Variants in FLII observed in about 807,000 individuals in gnomAD.
FLII encodes the protein protein flightless-1 homolog.
Under a neutral mutation model 156.2 loss-of-function variants are expected in FLII, and 101 were observed. That is an observed-to-expected ratio of 0.65 (90% confidence interval 0.55 to 0.76). The LOEUF (loss-of-function observed/expected upper bound fraction) is 0.76. Among genes scored for constraint, FLII ranks in the 30% least tolerant of loss-of-function variants. The pLI is 0.00. For missense variants in FLII, 1,675 were observed against 1,682.8 expected (o/e 1.00, Z 0.08); for synonymous variants, 767 against 685.8 (o/e 1.12, Z -1.85).
chr17:18,256,099 C>G (rs960791076), intron 3 of FLII, among the ~76,000 whole-genome samples: 1 of 152,220 alleles, frequency 6.6e-6, no homozygotes, highest in Non-Finnish European at 1.5e-5. Context: ...CCAAACCCCA[C>G]TCAACACCAG....
rs979512229 is a variant in FLII, at chr17:18,247,091, C to A, written c.2677-39G>T. The A allele has an allele frequency of 5.6e-6, 9 of 1,596,610 alleles. 1 individual carries two copies. Among genetic ancestry groups the A allele is most frequent in the South Asian group, 2.2e-5 (2 of 90,392 alleles). On this transcript the variant is annotated intron_variant, in intron 21 of 29. Coordinates refer to ENST00000327031, the MANE Select transcript of FLII (RefSeq NM_002018.4). ...GGACCCGCCCCGCGGCAGGTCTGAG[C>A]GCGCTCTGCGCATAGGCCCCGCCCT...
intron 3 of FLII, 29 bp from the exon 4 acceptor site, chr17:18,255,292 T>A (rs763326086): frequency 6.3e-7 from 1 of 1,580,018 alleles, no homozygotes; most frequent in Non-Finnish European, 8.7e-7. Context: ...AGTCTATAAT[T>A]CCTGGCTTCC....
intron 10 of FLII, 98 bp from the exon 11 acceptor site, chr17:18,252,244 G>T: frequency 1.7e-6 from 2 of 1,200,156 alleles, no homozygotes; most frequent in Non-Finnish European, 2.4e-6. Context: ...CGCCAGGGCT[G>T]AGAGGTCAGG....
In FLII at chr17:18,244,890, G is replaced by A. The variant is rs1442396929; in HGVS notation, c.*248C>T. ...TATCTCTTAAAGGGCATCCACATCT[G>A]CTTTATCCCTAGCGGAAGAGTGAGG... On this transcript the variant is annotated 3_prime_UTR_variant, in exon 30 of 30. Transcript: ENST00000327031. 3 of 508,938 alleles carry A rather than the reference G, an allele frequency of 5.9e-6. No individual in the cohort carries two copies. Among genetic ancestry groups the A allele is most frequent in the Admixed American group, 7.0e-5 (2 of 28,516 alleles). The allele number at this position is 508,938 out of a possible 1,614,324, so 31.5% of individuals were successfully genotyped here. A position where few individuals can be genotyped will look rare whatever the true frequency, so the allele number is the denominator to read the frequency against.
At chr17:18,249,494 C>T in intron 14 of FLII, 86 bp from the exon 15 acceptor site, 1 of 979,598 alleles carries the variant, frequency 1.0e-6, no homozygotes, top group Non-Finnish European at 1.6e-6. Context: ...TACAGAGTTG[C>T]ATACAGGTGA....
chr17:18,254,483 G>A, intron 6 of FLII, 38 bp downstream of exon 6: 1 of 1,568,974 alleles, frequency 6.4e-7, no homozygotes, highest in Non-Finnish European at 8.6e-7. Context: ...ACTCCTCAGG[G>A]TGGCTTCTGC....
In FLII at chr17:18,247,779, C is replaced by T. The variant is rs1210508342; in HGVS notation, c.2365G>A (p.Gly789Ser). 2.5e-6 allele frequency: 4 copies of T among 1,610,592 alleles called. No individual in the cohort carries two copies. The East Asian group carries it at 8.9e-5, about 36-fold the overall frequency. The change falls in exon 20 of 30, where the codon GGC (glycine) becomes AGC (serine). Residue 789 changes from glycine (G) to serine (S), a missense_variant. Transcript: ENST00000327031. ...DCWSDVFIWL[G>S]RKSPRLVRAA... ...CGCACCAGGCGCGGGGACTTGCGGC[C>T]GAGCCAGATGAACACGTCGGACCAA... is the stretch of plus-strand genomic sequence containing the variant.
At chr17:18,253,988 T>C (rs2048344757) in intron 7 of FLII, 91 bp downstream of exon 7, 2 of 973,820 alleles carry the variant, frequency 2.1e-6, no homozygotes, top group East Asian at 2.6e-5. Context: ...TGGGTATTGG[T>C]CCGAAGAGCA....
chr17:18,248,416 T>C, intron 18 of FLII, 134 bp downstream of exon 18: 1 of 769,884 alleles, frequency 1.3e-6, no homozygotes, highest in Non-Finnish European at 2.1e-6. Context: ...TACTGTTCCT[T>C]GTCCAGAAGG....
chr17:18,248,231 A>G (rs906591757), intron 18 of FLII, among the ~76,000 whole-genome samples, 198 bp from the exon 19 acceptor site: 2 of 152,164 alleles, frequency 1.3e-5, no homozygotes, highest in Non-Finnish European at 1.5e-5. Flanking sequence ...TGCCCTCTCC[A>G]GGCCCTTCAT....
rs539235584 is a variant in FLII at position 18,256,457 on chromosome 17, C to G, written c.246+69G>C. 7.2e-5 allele frequency: 93 copies of G among 1,294,350 alleles called. No individual in the cohort carries two copies. The Admixed American group carries it at 1.1e-3, about 15-fold the overall frequency. 80.2% of individuals were successfully genotyped at this position (1,294,350 alleles called of 1,614,324 possible). On this transcript the variant is annotated intron_variant, in intron 3 of 29. Transcript: ENST00000327031. ...TGCTGGCCCAGCTTGGTGTCTAGCC[C>G]AGGCTTCACGTCCCTGACCGGACCT...
In FLII at chr17:18,246,614, G is replaced by A; in HGVS notation, c.3031C>T (p.Leu1011Phe). 2 of 1,614,036 alleles carry A rather than the reference G, an allele frequency of 1.2e-6. No homozygotes were observed. Among genetic ancestry groups the A allele is most frequent in the Non-Finnish European group, 1.7e-6 (2 of 1,179,924 alleles). Residue 1011 changes from leucine (L) to phenylalanine (F), a missense_variant, in exon 23 of 30, where the codon CTC (leucine) becomes TTC (phenylalanine). Physicochemically the swap from Leu to Phe is conservative, Grantham distance 22. Transcript: ENST00000327031. ...TFSLQKKFES[L>F]FPGKLEVVRM... Reference sequence around the variant, plus strand: ...CACACCTCCAGCTTCCCAGGGAAGAGGCTCTCGAACTTCTTTTGCAGGCTG... The same window carrying A: ...CACACCTCCAGCTTCCCAGGGAAGAAGCTCTCGAACTTCTTTTGCAGGCTG...
intron 20 of FLII, 66 bp downstream of exon 20, chr17:18,247,591 A>C: frequency 7.1e-7 from 1 of 1,407,104 alleles, no homozygotes; most frequent in Non-Finnish European, 9.4e-7. Flanking sequence ...TAGTGAAGCC[A>C]CAGGGGTCAG....
At chr17:18,256,442 G>T in intron 3 of FLII, 84 bp downstream of exon 3, 1 of 1,115,200 alleles carries the variant, frequency 9.0e-7, no homozygotes, top group Non-Finnish European at 1.3e-6. Flanking sequence ...TGCTGGCCCA[G>T]CTTGGTGTCT....
chr17:18,253,738 T>G lies in FLII; in HGVS notation c.680-19A>C, dbSNP rs1474473736. 6.3e-7 allele frequency: 1 copy of G among 1,582,666 alleles called. No homozygotes were observed. Among genetic ancestry groups the G allele is most frequent in the Non-Finnish European group, 8.6e-7 (1 of 1,162,880 alleles). ...TCCACGTCTGGGGTGCAGGGTGGGG[T>G]GCATCAGCTGGGGCCCATACACCAG... On this transcript the variant is annotated intron_variant, in intron 7 of 29. Transcript: ENST00000327031.
chr17:18,254,343 G>C (rs538134926), intron 6 of FLII, among the ~76,000 whole-genome samples, 161 bp from the exon 7 acceptor site: 1 of 152,136 alleles, frequency 6.6e-6, no homozygotes, highest in Non-Finnish European at 1.5e-5. Context: ...GTGTGTAAGC[G>C]GGAAGACAGG....
intron 4 of FLII, 33 bp downstream of exon 4, chr17:18,255,150 G>A: frequency 6.5e-7 from 1 of 1,528,458 alleles, no homozygotes; most frequent in Non-Finnish European, 9.1e-7. Context: ...GGTCCGGCTA[G>A]CACAGGGGCC....
rs749331004 is a variant in FLII at position 18,246,316 on chromosome 17, G to A, written c.3198C>T (p.Leu1066=). 3 of 1,613,850 alleles carry A rather than the reference G, an allele frequency of 1.9e-6. No homozygotes were observed. The Admixed American group carries it at 5.0e-5, about 27-fold the overall frequency. The part of the protein sequence containing the change: ...LYQIRTNGSA[L]CTRCIQINTD... ...CTCCCCCAGCCAGGCACCGGGTGCAGAGGGCGCTGCCGTTGGTGCGGATCT... is the reference window on the plus strand; with the variant it reads ...CTCCCCCAGCCAGGCACCGGGTGCAAAGGGCGCTGCCGTTGGTGCGGATCT... The change falls in exon 24 of 30, where the codon CTC becomes CTT. Residue 1066 remains leucine, a synonymous_variant. Coordinates refer to ENST00000327031, the MANE Select transcript of FLII (RefSeq NM_002018.4).
chr17:18,257,331 T>C (rs1264880518), intron 1 of FLII: 1 of 338,568 alleles, frequency 3.0e-6, no homozygotes, highest in African/African-American at 2.1e-5. Context: ...TCGGCTCAAA[T>C]TCCTTCACCT....
Sources: allele counts gnomAD v4.1 joint callset (sites outside exome capture counted in the v4.1 genomes callset), GRCh38; gene constraint gnomAD v4.1.1; transcripts MANE v1.5; gene names NCBI Gene and HGNC (gene_info 2026-07-23, HGNC 2026-07-21).